The following CA10 variants were observed in gnomAD, a reference collection of about 807,000 sequenced individuals.
CA10 encodes the protein carbonic anhydrase-related protein 10.
A neutral mutation model predicts 44.2 loss-of-function variants in CA10; 14 were observed. The ratio of observed to expected loss-of-function variants is 0.32; its 90% CI spans 0.21 to 0.50. CA10 has a LOEUF of 0.50. Ranked by LOEUF, CA10 falls within the 20% of genes least tolerant of loss-of-function variation. CA10 has a pLI of 0.99. For missense variants in CA10, 350 were observed against 409.7 expected (o/e 0.85, Z 1.26); for synonymous variants, 159 against 141.6 (o/e 1.12, Z -0.87).
chr17:52,080,065 C>T (rs1987926723), intron 1 of CA10, among the ~76,000 whole-genome samples: 1 of 152,150 alleles, frequency 6.6e-6, no homozygotes, highest in South Asian at 2.1e-4. Context: ...AGCAAGCTGA[C>T]AAAATTATAT....
chr17:51,744,941 T>A (rs1378948189), intron 4 of CA10, among the ~76,000 whole-genome samples: 1 of 152,188 alleles, frequency 6.6e-6, no homozygotes, highest in Non-Finnish European at 1.5e-5. Flanking sequence ...TATAGACCCC[T>A]GACATTGAGA....
intron 4 of CA10, among the ~76,000 whole-genome samples, chr17:51,690,591 T>C (rs1915161579): frequency 6.6e-6 from 1 of 152,208 alleles, no homozygotes; most frequent in African/African-American, 2.4e-5. Context: ...TGATAGTGAA[T>C]AAGTCTCATG....
At chr17:51,847,149 C>T (rs1978531257) in intron 3 of CA10, among the ~76,000 whole-genome samples, 1 of 152,188 alleles carries the variant, frequency 6.6e-6, no homozygotes. Flanking sequence ...CTGAGTCTCA[C>T]ATCAGCTGCA....
In CA10 at chr17:52,063,982, G is replaced by A. The variant is rs949127357; in HGVS notation, c.136+8337C>T. 5.3e-5 allele frequency among the ~76,000 whole-genome samples: 8 copies of A among 152,184 alleles called. 1 individual carries two copies. The South Asian group carries it at 1.7e-3, about 31-fold the overall frequency. On this transcript the variant is annotated intron_variant, in intron 2 of 8. Transcript: ENST00000451037. ...AACAGATTTTGCAGATGTGAATAAC[G>A]TTCTTAATCCGTTGACTTTCAGTTA...
intron 3 of CA10, among the ~76,000 whole-genome samples, chr17:51,897,845 T>C (rs1981139097): frequency 6.6e-6 from 1 of 152,096 alleles, no homozygotes; most frequent in Non-Finnish European, 1.5e-5. Flanking sequence ...TAAGATCATG[T>C]TCTAGATTTG....
intron 4 of CA10, among the ~76,000 whole-genome samples, chr17:51,725,222 C>A (rs2143542358): frequency 6.6e-6 from 1 of 152,314 alleles, no homozygotes; most frequent in South Asian, 2.1e-4. Flanking sequence ...TTATTTGCAC[C>A]TGGACAGGCC....
At chr17:51,713,517 T>C (rs1231095980) in intron 4 of CA10, among the ~76,000 whole-genome samples, 1 of 152,236 alleles carries the variant, frequency 6.6e-6, no homozygotes, top group Non-Finnish European at 1.5e-5. Flanking sequence ...TTGAAAAATA[T>C]CACTCCTTAG....
chr17:51,784,303 G>A (rs1356977910), intron 3 of CA10, among the ~76,000 whole-genome samples: 2 of 152,142 alleles, frequency 1.3e-5, no homozygotes, highest in Non-Finnish European at 2.9e-5. Flanking sequence ...CAGAGCCCAG[G>A]AGAACCCTGC....
chr17:52,103,544 T>A (rs1372434121), intron 1 of CA10, among the ~76,000 whole-genome samples: 1 of 152,218 alleles, frequency 6.6e-6, no homozygotes, highest in Non-Finnish European at 1.5e-5. Flanking sequence ...AGTCTGTGCC[T>A]GTGCCCGAGA....
At chr17:52,050,249 CT>C (rs905602023) in intron 2 of CA10, among the ~76,000 whole-genome samples, 19 of 151,584 alleles carry the variant, frequency 1.3e-4, no homozygotes, top group South Asian at 2.1e-4. Context: ...TCCTTCGTTG[CT>C]TTTTTTTCCC....
chr17:52,133,479 G>C (rs1989286442), intron 1 of CA10, among the ~76,000 whole-genome samples: 1 of 152,104 alleles, frequency 6.6e-6, no homozygotes, highest in Admixed American at 6.5e-5. Context: ...ACTGGAAGAA[G>C]AGGCTTCAGG....
intron 4 of CA10, among the ~76,000 whole-genome samples, chr17:51,738,950 C>T (rs1445415075): frequency 2.6e-5 from 4 of 152,126 alleles, no homozygotes; most frequent in Non-Finnish European, 5.9e-5. Flanking sequence ...GTCTCTTGCC[C>T]TTTCTGGCAT....
chr17:52,157,215 G>A (rs1310199411), intron 1 of CA10, among the ~76,000 whole-genome samples: 1 of 152,118 alleles, frequency 6.6e-6, no homozygotes, highest in South Asian at 2.1e-4. Flanking sequence ...AATCAGTCCT[G>A]ATGTGTTTGG....
intron 3 of CA10, among the ~76,000 whole-genome samples, chr17:51,904,386 T>C (rs1981451779): frequency 6.6e-6 from 1 of 151,998 alleles, no homozygotes. Context: ...ACCATTTTTC[T>C]TTTCCTCAGG....
rs76744460 is a variant in CA10 at position 51,785,767 on chromosome 17, A to G, written c.280-37949T>C. 2.2e-3 allele frequency among the ~76,000 whole-genome samples: 342 copies of G among 152,302 alleles called. 9 individuals are homozygous for G. In the East Asian group the frequency reaches 0.051, roughly 23 times the overall value. ...TCCTCCAGTTTTCTTCTTTTTGCTCAGGAGAGATTTGGCTATTTTGGGTCT... is the reference window on the plus strand; with the variant it reads ...TCCTCCAGTTTTCTTCTTTTTGCTCGGGAGAGATTTGGCTATTTTGGGTCT... On this transcript the variant is annotated intron_variant, in intron 3 of 8. Coordinates refer to ENST00000451037, the MANE Select transcript of CA10 (RefSeq NM_020178.5).
At chr17:51,894,259 C>G (rs1980978085) in intron 3 of CA10, among the ~76,000 whole-genome samples, 1 of 152,082 alleles carries the variant, frequency 6.6e-6, no homozygotes, top group South Asian at 2.1e-4. Context: ...ATAAAGAGAC[C>G]TGAAAGAGCT....
intron 2 of CA10, among the ~76,000 whole-genome samples, chr17:52,026,015 CACAT>C (rs1419299668): frequency 6.6e-6 from 1 of 151,772 alleles, no homozygotes; most frequent in Non-Finnish European, 1.5e-5. Context: ...TCTGTGTGTA[CACAT>C]ACATGTACAC....
intron 2 of CA10, among the ~76,000 whole-genome samples, chr17:51,978,049 C>G (rs1001522117): frequency 3.3e-5 from 5 of 152,032 alleles, no homozygotes; most frequent in Non-Finnish European, 5.9e-5. Flanking sequence ...AATGATATAC[C>G]ATGCTTAGGG....
intron 3 of CA10, among the ~76,000 whole-genome samples, chr17:51,809,304 G>A (rs552923452): frequency 1.3e-5 from 2 of 152,200 alleles, no homozygotes; most frequent in South Asian, 2.1e-4. Flanking sequence ...TATGTGTCAG[G>A]CACTGTGTTC....
Sources: gnomAD v4.1 joint callset for allele counts (sites outside exome capture counted in the v4.1 genomes callset) on GRCh38, gnomAD v4.1.1 for gene constraint, MANE v1.5 for transcripts, NCBI Gene and HGNC (gene_info 2026-07-23, HGNC 2026-07-21) for gene names.